The following ELP1 variants were observed in gnomAD, a reference collection of about 807,000 sequenced individuals.
The protein encoded by ELP1 is elongator complex protein 1.
In ELP1, 131 loss-of-function variants were observed where a neutral mutation model predicts 183.2. That is an observed-to-expected ratio of 0.72 (90% confidence interval 0.62 to 0.83). The LOEUF is 0.83. ELP1 is among the 40% of genes least tolerant of loss of function. The probability of loss-of-function intolerance (pLI) is 0.00; values close to 1 mark genes in which losing one functional copy is unlikely to be tolerated. For synonymous variants in ELP1, 555 were observed against 569.0 expected, an observed-to-expected ratio of 0.98 and a Z score of 0.35; for missense variants, 1,550 against 1,594.9, an observed-to-expected ratio of 0.97 and a Z score of 0.48.
chr9:108,921,738 A>G (rs1829654334), intron 6 of ELP1, among the ~76,000 whole-genome samples: 1 of 152,234 alleles, frequency 6.6e-6, no homozygotes, highest in South Asian at 2.1e-4. Flanking sequence ...TACTGTTCTA[A>G]TAAGTCAATA....
chr9:108,877,038 C>T (rs543941261), intron 35 of ELP1, among the ~76,000 whole-genome samples: 6 of 152,132 alleles, frequency 3.9e-5, no homozygotes, highest in Admixed American at 6.5e-5. Context: ...CTGGCCCGAC[C>T]GGCTGGCTTT....
intron 29 of ELP1, 151 bp from the exon 30 acceptor site, chr9:108,882,338 G>A (rs1274112530): frequency 1.5e-6 from 1 of 667,296 alleles, no homozygotes; most frequent in Non-Finnish European, 2.7e-6. Flanking sequence ...TAGAGTTCAT[G>A]ACTCCATAAA....
intron 14 of ELP1, among the ~76,000 whole-genome samples, chr9:108,905,274 T>C (rs10979606): frequency 0.088 from 13,345 of 152,152 alleles, 675 homozygotes; most frequent in East Asian, 0.16. Context: ...ATCTCACCAG[T>C]AGGGCTTTAA....
chr9:108,929,104 C>T (rs1475448047), intron 3 of ELP1, among the ~76,000 whole-genome samples: 1 of 152,228 alleles, frequency 6.6e-6, no homozygotes, highest in East Asian at 1.9e-4. Context: ...TATCATTATC[C>T]TACTATTAGT....
At chr9:108,880,192 TGAGCA>T (rs1418180752) in intron 31 of ELP1, 27 bp from the exon 32 acceptor site, 1 of 1,458,902 alleles carries the variant, frequency 6.9e-7, no homozygotes, top group Non-Finnish European at 9.6e-7. Flanking sequence ...GAAAATAGTT[TGAGCA>T]TGAGGTTTAA....
chr9:108,921,347 G>C (rs1346315377), intron 6 of ELP1, among the ~76,000 whole-genome samples: 1 of 151,864 alleles, frequency 6.6e-6, no homozygotes, highest in Non-Finnish European at 1.5e-5. Flanking sequence ...CATACAAATG[G>C]GATCATATTA....
In ELP1 at chr9:108,878,707, T is replaced by C. The variant is rs1269703646; in HGVS notation, c.3616A>G (p.Ser1206Gly). 1 of 1,614,206 alleles carries C rather than the reference T, an allele frequency of 6.2e-7. No individual in the cohort carries two copies. Among genetic ancestry groups the C allele is most frequent in the East Asian group, 2.2e-5 (1 of 44,882 alleles). The change falls in exon 34 of 37, where the codon AGC becomes GGC. Residue 1206 changes from serine (S) to glycine (G), a missense_variant. Transcript: ENST00000374647. ...TCCAGCGGACTGCCTTCTTTGAGGC[T>C]GTGCTTCTTCCGCTCCGCTTTTCGG... ...NRRKAERKKH[S>G]LKEGSPLEDL...
intron 29 of ELP1, among the ~76,000 whole-genome samples, chr9:108,885,233 A>T (rs1301910941): frequency 6.6e-6 from 1 of 152,084 alleles, no homozygotes; most frequent in Non-Finnish European, 1.5e-5. Context: ...AAAAACAATG[A>T]AACAGTTCAT....
At chr9:108,874,828 C>T (rs1827637921) in intron 36 of ELP1, 67 bp downstream of exon 36, 4 of 1,083,060 alleles carry the variant, frequency 3.7e-6, no homozygotes, top group Admixed American at 1.7e-5. Context: ...TGCTGATCTT[C>T]TCAATACTTA....
At chr9:108,916,604 C>T (rs553768834) in intron 9 of ELP1, among the ~76,000 whole-genome samples, 1 of 151,886 alleles carries the variant, frequency 6.6e-6, no homozygotes, top group African/African-American at 2.4e-5. Context: ...TTAGACAACA[C>T]AGAGATAAGA....
intron 26 of ELP1, 49 bp from the exon 27 acceptor site, chr9:108,893,132 T>A (rs1331769041): frequency 1.5e-6 from 2 of 1,291,998 alleles, no homozygotes; most frequent in Non-Finnish European, 2.3e-6. Flanking sequence ...ATGGGAAGCA[T>A]AATGGACTTC....
intron 1 of ELP1, among the ~76,000 whole-genome samples, chr9:108,931,514 T>C (rs1426488043): frequency 6.6e-6 from 1 of 152,160 alleles, no homozygotes; most frequent in African/African-American, 2.4e-5. Context: ...AAAGAACAAA[T>C]GAATGGGGAA....
At chr9:108,874,639 T>C (rs1376423730) in intron 36 of ELP1, among the ~76,000 whole-genome samples, 1 of 152,206 alleles carries the variant, frequency 6.6e-6, no homozygotes, top group Non-Finnish European at 1.5e-5. Context: ...TGAACAAGCA[T>C]ATGCCACATA....
chr9:108,919,201 T>G, intron 7 of ELP1, 52 bp downstream of exon 7: 1 of 1,335,444 alleles, frequency 7.5e-7, no homozygotes, highest in South Asian at 1.3e-5. Flanking sequence ...TTCCTTAATT[T>G]TAATAAGATA....
chr9:108,906,591 TA>T lies in ELP1; in HGVS notation c.1461-107del. ...AAGCATCTTGTATACAGTCCACTCC[TA>T]ATTATTTGGAGGGACAAAACCTGAG... On this transcript the variant is annotated intron_variant, in intron 13 of 36. Transcript: ENST00000374647. The T allele has an allele frequency of 1.9e-5, 17 of 873,100 alleles. No homozygotes were observed. In the South Asian group the frequency reaches 2.4e-4, roughly 12 times the overall value. The allele number at this position is 873,100 out of a possible 1,614,324, so 54.1% of individuals were successfully genotyped here.
At position 108,911,183 on chromosome 9, in the gene ELP1, G is replaced by A. The variant is rs771072120; in HGVS notation, c.1190-3C>T. 6.2e-7 allele frequency: 1 copy of A among 1,613,926 alleles called. No individual in the cohort carries two copies. The highest frequency in any genetic ancestry group is 8.5e-7 in the Non-Finnish European group (1 of 1,179,898). On this transcript the variant is annotated splice_polypyrimidine_tract_variant and splice_region_variant and intron_variant, in intron 11 of 36. Coordinates refer to ENST00000374647, the MANE Select transcript of ELP1 (RefSeq NM_003640.5). ...GAAGACTGTCACCAACACCCTGTCT[G>A]CAGTGAAAAAGAAAGAAGAGGATTA...
chr9:108,889,428 T>TTA (rs772351542), intron 28 of ELP1, 35 bp from the exon 29 acceptor site: 2 of 1,582,900 alleles, frequency 1.3e-6, no homozygotes, highest in Admixed American at 3.3e-5. Flanking sequence ...GACTACAAAG[T>TTA]TAAACAGATA....
intron 29 of ELP1, among the ~76,000 whole-genome samples, chr9:108,882,633 C>T (rs1339462037): frequency 7.0e-6 from 1 of 143,774 alleles, no homozygotes; most frequent in Non-Finnish European, 1.5e-5. Context: ...CTCACTCTGT[C>T]GCCCAGGCTG....
intron 10 of ELP1, among the ~76,000 whole-genome samples, 200 bp from the exon 11 acceptor site, chr9:108,912,694 T>C (rs775697641): frequency 6.6e-6 from 1 of 151,900 alleles, no homozygotes; most frequent in East Asian, 1.9e-4. Context: ...AGGTCAGAAA[T>C]ATATGTTTAT....
Sources: gnomAD v4.1 joint callset for allele counts (sites outside exome capture counted in the v4.1 genomes callset) on GRCh38, gnomAD v4.1.1 for gene constraint, MANE v1.5 for transcripts, NCBI Gene and HGNC (gene_info 2026-07-23, HGNC 2026-07-21) for gene names.